KLHL1: variants seen among roughly 807,000 people sequenced by gnomAD.
The protein encoded by KLHL1 is kelch-like protein 1.
KLHL1 carries 47 observed loss-of-function variants against 77.7 expected under a neutral mutation model. The observed-to-expected ratio is 0.60, with a 90% CI of 0.48 to 0.77. The LOEUF (loss-of-function observed/expected upper bound fraction) is 0.77. Among genes scored for constraint, KLHL1 ranks in the 30% least tolerant of loss-of-function variants. The probability of loss-of-function intolerance (pLI) is 0.00; values close to 1 mark genes in which losing one functional copy is unlikely to be tolerated. For missense variants in KLHL1, 925 were observed against 910.8 expected, an observed-to-expected ratio of 1.02 and a Z score of -0.20; for synonymous variants, 360 against 325.2, an observed-to-expected ratio of 1.11 and a Z score of -1.15.
chr13:70,019,047 A>G (rs1172851569), intron 1 of KLHL1, among the ~76,000 whole-genome samples: 2 of 152,196 alleles, frequency 1.3e-5, no homozygotes, highest in African/African-American at 2.4e-5. Context: ...TTTAATGTCA[A>G]TTATTTCAAC....
At chr13:69,737,206 C>T (rs1410794501) in intron 8 of KLHL1, among the ~76,000 whole-genome samples, 1 of 152,228 alleles carries the variant, frequency 6.6e-6, no homozygotes, top group Non-Finnish European at 1.5e-5. Flanking sequence ...CCCTCATGAG[C>T]CCATACCACC....
chr13:69,874,382 C>T (rs1325417857), intron 5 of KLHL1, among the ~76,000 whole-genome samples: 1 of 151,920 alleles, frequency 6.6e-6, no homozygotes, highest in Admixed American at 6.6e-5. Context: ...TATTTAATAC[C>T]TTCTGGCCAT....
Position 70,024,620 on chromosome 13 carries a change from TTCTCTCTCTCTCTCTCTC to T in KLHL1, c.498-48836_498-48819del, listed in dbSNP as rs5804459. On this transcript the variant is annotated intron_variant, in intron 1 of 10. Coordinates refer to ENST00000377844, the MANE Select transcript of KLHL1 (RefSeq NM_020866.3). ...CTGGTTAGGGGTGAGGAGAAAAGAT[TTCTCTCTCTCTCTCTCTC>T]TCTCTCTCTCTCTCTCTCTCTCGCT... Among the ~76,000 whole-genome samples, 947 of 130,402 alleles carry T rather than the reference TTCTCTCTCTCTCTCTCTC, an allele frequency of 7.3e-3. 5 individuals are homozygous for T. Among genetic ancestry groups the T allele is most frequent in the African/African-American group, 0.023 (896 of 38,134 alleles). The allele number at this position is 130,402 out of a possible 152,430, so 85.5% of individuals were successfully genotyped here.
At chr13:69,735,355 T>C (rs1248448682) in intron 8 of KLHL1, among the ~76,000 whole-genome samples, 2 of 151,220 alleles carry the variant, frequency 1.3e-5, no homozygotes, top group Non-Finnish European at 3.0e-5. Flanking sequence ...TAGGTAATCA[T>C]TCTAAAAATA....
intron 4 of KLHL1, among the ~76,000 whole-genome samples, chr13:69,929,217 G>A (rs1173529768): frequency 1.3e-5 from 2 of 152,004 alleles, no homozygotes; most frequent in South Asian, 2.1e-4. Flanking sequence ...CATCAAGTGA[G>A]CTACTCAAAG....
At chr13:69,782,716 T>C (rs1253338800) in intron 7 of KLHL1, among the ~76,000 whole-genome samples, 1 of 152,208 alleles carries the variant, frequency 6.6e-6, no homozygotes, top group African/African-American at 2.4e-5. Flanking sequence ...CCTGCCTCTG[T>C]AGGCTCCACC....
chr13:69,921,874 G>C (rs1882651139), intron 4 of KLHL1, among the ~76,000 whole-genome samples: 1 of 151,186 alleles, frequency 6.6e-6, no homozygotes, highest in Non-Finnish European at 1.5e-5. Flanking sequence ...GGGAGGCTAA[G>C]GGATAAGGGA....
chr13:69,709,453 G>T (rs1253375997), intron 9 of KLHL1, among the ~76,000 whole-genome samples: 1 of 152,034 alleles, frequency 6.6e-6, no homozygotes, highest in East Asian at 1.9e-4. Context: ...TAATTAGGAA[G>T]AAGTAACTAA....
Position 69,764,929 on chromosome 13 carries a change from C to CTTTTTTTTTTTTTTTTTTTTTTTTTT in KLHL1, c.1640-24399_1640-24374dup, listed in dbSNP as rs71196263. On this transcript the variant is annotated intron_variant, in intron 7 of 10. Coordinates refer to ENST00000377844, the MANE Select transcript of KLHL1 (RefSeq NM_020866.3). Reference sequence around the variant, plus strand: ...TCTCATGCTTTCATGTATATCTTTGCTTTTTTTTTTTTTTTTTTTTTTTTT... The same window carrying CTTTTTTTTTTTTTTTTTTTTTTTTTT: ...TCTCATGCTTTCATGTATATCTTTGCTTTTTTTTTTTTTTTTTTTTTTTTTTTTTTTTTTTTTTTTTTTTTTTTTTT... Among the ~76,000 whole-genome samples, 109 of 39,726 alleles carry CTTTTTTTTTTTTTTTTTTTTTTTTTT rather than the reference C, an allele frequency of 2.7e-3. 47 individuals are homozygous for CTTTTTTTTTTTTTTTTTTTTTTTTTT. The highest frequency in any genetic ancestry group is 3.6e-3 in the Non-Finnish European group (81 of 22,404). 26.1% of individuals were successfully genotyped at this position (39,726 alleles called of 152,430 possible). A position where few individuals can be genotyped will look rare whatever the true frequency, so the allele number is the denominator to read the frequency against.
In KLHL1 at chr13:70,107,873, G is replaced by A. The variant is rs188602966; in HGVS notation, c.-174C>T. 49 of 561,244 alleles carry A rather than the reference G, an allele frequency of 8.7e-5. No individual in the cohort carries two copies. In the East Asian group the frequency reaches 1.4e-3, roughly 16 times the overall value. The allele number at this position is 561,244 out of a possible 1,614,324, so 34.8% of individuals were successfully genotyped here. A position where few individuals can be genotyped will look rare whatever the true frequency, so the allele number is the denominator to read the frequency against. ...CGCTCTGCCAGGCGAAGGCTGGAGC[G>A]CAGACGGCAAAGCCGCGCGTTTCAG... On this transcript the variant is annotated 5_prime_UTR_variant, in exon 1 of 11. Transcript: ENST00000377844.
intron 1 of KLHL1, among the ~76,000 whole-genome samples, chr13:70,050,792 ATTAT>A (rs1886611750): frequency 6.6e-6 from 1 of 151,522 alleles, no homozygotes; most frequent in South Asian, 2.1e-4. Context: ...ATTTTGCAAT[ATTAT>A]TTGTCATATA....
chr13:69,971,997 A>AT (rs1219754332), intron 2 of KLHL1, among the ~76,000 whole-genome samples: 5 of 151,938 alleles, frequency 3.3e-5, no homozygotes, highest in Non-Finnish European at 5.9e-5. Flanking sequence ...TTTACTAATT[A>AT]TTTTTTTCTG....
intron 5 of KLHL1, among the ~76,000 whole-genome samples, chr13:69,841,213 C>G (rs1593878480): frequency 7.2e-6 from 1 of 138,640 alleles, no homozygotes; most frequent in Non-Finnish European, 1.6e-5. Context: ...AAGTCTTAGT[C>G]AGAACAATCA....
chr13:70,096,319 G>A (rs1456310966), intron 1 of KLHL1, among the ~76,000 whole-genome samples: 2 of 151,872 alleles, frequency 1.3e-5, no homozygotes, highest in African/African-American at 2.4e-5. Flanking sequence ...AACAGCATAT[G>A]AGGGCTCCCC....
At chr13:70,054,140 A>G (rs1231972835) in intron 1 of KLHL1, among the ~76,000 whole-genome samples, 1 of 152,172 alleles carries the variant, frequency 6.6e-6, no homozygotes, top group Admixed American at 6.5e-5. Context: ...GATATTTACT[A>G]CACATTACAC....
At chr13:70,027,113 G>A (rs1397494726) in intron 1 of KLHL1, among the ~76,000 whole-genome samples, 1 of 151,954 alleles carries the variant, frequency 6.6e-6, no homozygotes, top group African/African-American at 2.4e-5. Flanking sequence ...ATACTAAATG[G>A]AGAATGAGAA....
intron 3 of KLHL1, among the ~76,000 whole-genome samples, chr13:69,949,203 T>C (rs1286917231): frequency 6.6e-6 from 1 of 151,894 alleles, no homozygotes; most frequent in Non-Finnish European, 1.5e-5. Flanking sequence ...CCTTAGATTT[T>C]TTTTTCTTTT....
chr13:69,744,263 TAA>T (rs1874108859), intron 7 of KLHL1, among the ~76,000 whole-genome samples: 1 of 152,130 alleles, frequency 6.6e-6, no homozygotes, highest in Non-Finnish European at 1.5e-5. Context: ...TTGGTATTTG[TAA>T]AGTAACAGTG....
At chr13:69,804,687 C>T (rs1329446074) in intron 6 of KLHL1, among the ~76,000 whole-genome samples, 4 of 151,998 alleles carry the variant, frequency 2.6e-5, no homozygotes, top group South Asian at 2.1e-4. Context: ...AAGAATGCAT[C>T]GACTTAAATA....
Sources: gnomAD v4.1 joint callset for allele counts (sites outside exome capture counted in the v4.1 genomes callset) on GRCh38, gnomAD v4.1.1 for gene constraint, MANE v1.5 for transcripts, NCBI Gene and HGNC (gene_info 2026-07-23, HGNC 2026-07-21) for gene names.